The following NAV2 variants were observed in gnomAD, a reference collection of about 807,000 sequenced individuals.
The protein encoded by NAV2 is helicase, APC down-regulated 1.
Under a neutral mutation model 223.2 loss-of-function variants are expected in NAV2, and 54 were observed. That is an observed-to-expected ratio of 0.24 (90% CI 0.19 to 0.30). NAV2 has a LOEUF of 0.30. Ranked by LOEUF, NAV2 falls within the 10% of genes least tolerant of loss-of-function variation. The pLI, the probability that NAV2 is intolerant of heterozygous loss-of-function variation, is 1.00. For missense variants in NAV2, 2,806 were observed against 3,147.5 expected, an observed-to-expected ratio of 0.89 and a Z score of 2.60; for synonymous variants, 1,279 against 1,239.3, an observed-to-expected ratio of 1.03 and a Z score of -0.67.
chr11:20,105,600 C>T lies in NAV2; in HGVS notation c.6714C>T (p.Leu2238=). The change falls in exon 35 of 38, where the codon CTC becomes CTT. Residue 2238 remains leucine (L), a synonymous_variant. Transcript: ENST00000349880. ...TTGGCCGATTCCTGAGGAGGAAGCT[C>T]ATGGAAACAGAGATCAGTGGGCGGG... is the stretch of plus-strand genomic sequence containing the variant. The part of the protein sequence containing the change: ...GFLGRFLRRK[L]METEISGRVR... The T allele has an allele frequency of 1.2e-6, 2 of 1,614,044 alleles. No homozygotes were observed. Among genetic ancestry groups the T allele is most frequent in the Non-Finnish European group, 1.7e-6 (2 of 1,179,990 alleles).
chr11:19,552,633 T>C (rs1455989480), intron 1 of NAV2, among the ~76,000 whole-genome samples: 1 of 152,200 alleles, frequency 6.6e-6, no homozygotes, highest in Non-Finnish European at 1.5e-5. Context: ...CTCTGTGACA[T>C]GAAGGACGGT....
intron 1 of NAV2, among the ~76,000 whole-genome samples, chr11:19,821,828 C>T (rs988459878): frequency 1.3e-5 from 2 of 152,074 alleles, no homozygotes; most frequent in African/African-American, 4.8e-5. Context: ...TATGCCTTTC[C>T]CTCTCTCTCT....
intron 1 of NAV2, among the ~76,000 whole-genome samples, chr11:19,398,761 A>C (rs1285993859): frequency 6.6e-6 from 1 of 152,060 alleles, no homozygotes; most frequent in Non-Finnish European, 1.5e-5. Flanking sequence ...GCATTCTGTT[A>C]ATCTCCTGCT....
intron 1 of NAV2, among the ~76,000 whole-genome samples, chr11:19,699,362 G>A (rs1359059244): frequency 6.6e-6 from 1 of 152,182 alleles, no homozygotes; most frequent in Non-Finnish European, 1.5e-5. Flanking sequence ...TAACTGTTTA[G>A]TTCTTACCCC....
At chr11:19,899,581 A>G (rs1211966200) in intron 6 of NAV2, among the ~76,000 whole-genome samples, 1 of 152,186 alleles carries the variant, frequency 6.6e-6, no homozygotes, top group Non-Finnish European at 1.5e-5. Flanking sequence ...GGTTGTCGTG[A>G]CAGGCAGAAT....
intron 11 of NAV2, among the ~76,000 whole-genome samples, chr11:20,008,166 A>G (rs993997209): frequency 6.6e-5 from 10 of 152,150 alleles, no homozygotes; most frequent in Non-Finnish European, 1.2e-4. Context: ...CAGGAGTTCA[A>G]GACCGGCCTG....
intron 1 of NAV2, among the ~76,000 whole-genome samples, chr11:19,679,856 C>T (rs578057887): frequency 1.3e-5 from 2 of 152,306 alleles, no homozygotes; most frequent in African/African-American, 4.8e-5. Flanking sequence ...GAACTTAACA[C>T]ATAATGTGTG....
At chr11:20,033,572 A>G (rs1447213535) in intron 11 of NAV2, among the ~76,000 whole-genome samples, 2 of 152,180 alleles carry the variant, frequency 1.3e-5, no homozygotes, top group Non-Finnish European at 2.9e-5. Flanking sequence ...TTGTGGATTC[A>G]TTCACAATAA....
intron 1 of NAV2, among the ~76,000 whole-genome samples, chr11:19,477,911 G>T (rs981823653): frequency 5.3e-5 from 8 of 152,122 alleles, no homozygotes; most frequent in Non-Finnish European, 1.2e-4. Context: ...GTGGCCTTCA[G>T]AATATAGCAC....
intron 11 of NAV2, among the ~76,000 whole-genome samples, chr11:20,032,288 T>C (rs1256143311): frequency 2.0e-5 from 3 of 152,172 alleles, no homozygotes; most frequent in Non-Finnish European, 4.4e-5. Context: ...CTTCCCCTCT[T>C]CTGGGTGGCT....
chr11:19,984,817 T>C (rs2050627368), intron 11 of NAV2, among the ~76,000 whole-genome samples: 1 of 152,204 alleles, frequency 6.6e-6, no homozygotes, highest in Admixed American at 6.5e-5. Context: ...GAAAATACTG[T>C]GGTAATAAAA....
At chr11:19,848,643 C>T (rs971910751) in intron 3 of NAV2, among the ~76,000 whole-genome samples, 1 of 152,194 alleles carries the variant, frequency 6.6e-6, no homozygotes, top group African/African-American at 2.4e-5. Flanking sequence ...TGTTTTAAGG[C>T]TTCCATGAGA....
intron 1 of NAV2, among the ~76,000 whole-genome samples, chr11:19,478,694 A>G (rs1251050243): frequency 6.6e-6 from 1 of 152,198 alleles, no homozygotes; most frequent in African/African-American, 2.4e-5. Flanking sequence ...CTTGCCTGCT[A>G]TGCTAACCCC....
intron 1 of NAV2, among the ~76,000 whole-genome samples, chr11:19,737,653 C>G (rs1199481001): frequency 1.3e-5 from 2 of 152,198 alleles, no homozygotes; most frequent in Non-Finnish European, 2.9e-5. Flanking sequence ...TCAGTTTCCT[C>G]ATCTGAAAAA....
At chr11:20,027,330 C>A in intron 11 of NAV2, 1 of 985,482 alleles carries the variant, frequency 1.0e-6, no homozygotes, top group Non-Finnish European at 1.2e-6. Context: ...GAACAATTGC[C>A]TTGAACAATA....
At chr11:19,352,405 C>G (rs1236777406) in intron 1 of NAV2, among the ~76,000 whole-genome samples, 1 of 152,218 alleles carries the variant, frequency 6.6e-6, no homozygotes, top group Non-Finnish European at 1.5e-5. Context: ...TGGGCTGGTA[C>G]AGCAAGATAA....
At chr11:19,379,579 C>T (rs1209318528) in intron 1 of NAV2, among the ~76,000 whole-genome samples, 2 of 152,112 alleles carry the variant, frequency 1.3e-5, no homozygotes, top group Non-Finnish European at 2.9e-5. Context: ...AAAGTGACAG[C>T]CTCCTTAGAT....
intron 6 of NAV2, among the ~76,000 whole-genome samples, chr11:19,925,558 G>A (rs774591377): frequency 8.5e-5 from 13 of 152,172 alleles, no homozygotes; most frequent in South Asian, 2.1e-4. Context: ...AGACCAACCC[G>A]GCCAATGTGG....
At chr11:19,392,549 T>C (rs1037121669) in intron 1 of NAV2, among the ~76,000 whole-genome samples, 15 of 152,170 alleles carry the variant, frequency 9.9e-5, no homozygotes, top group Non-Finnish European at 1.8e-4. Flanking sequence ...ATGTGGTTGC[T>C]GGATCCAGGA....
Sources: allele counts gnomAD v4.1 joint callset (sites outside exome capture counted in the v4.1 genomes callset), GRCh38; gene constraint gnomAD v4.1.1; transcripts MANE v1.5; gene names NCBI Gene and HGNC (gene_info 2026-07-23, HGNC 2026-07-21).